AR: variants seen among roughly 807,000 people sequenced by gnomAD.
The protein encoded by AR is dihydrotestosterone receptor.
Under a neutral mutation model 53.9 loss-of-function variants are expected in AR, and 8 were observed. The observed-to-expected ratio is 0.15, with a 90% CI of 0.09 to 0.27. AR has a LOEUF of 0.27. Among genes scored for constraint, AR ranks in the 10% least tolerant of loss-of-function variants. AR has a pLI of 1.00. For synonymous variants in AR, 359 were observed against 316.4 expected, an observed-to-expected ratio of 1.13 and a Z score of -1.43; for missense variants, 639 against 742.5, an observed-to-expected ratio of 0.86 and a Z score of 1.62.
intron 2 of AR, among the ~76,000 whole-genome samples, chrX:67,667,123 A>T (rs1016034645): frequency 1.8e-5 from 2 of 111,285 alleles, no homozygotes; most frequent in African/African-American, 6.5e-5. Context: ...TTACTCAAGA[A>T]ATTTTTGCCC....
chrX:67,647,846 G>GTAC (rs1335863115), intron 2 of AR, among the ~76,000 whole-genome samples: 40 of 111,788 alleles, frequency 3.6e-4, no homozygotes, highest in African/African-American at 1.2e-3. Flanking sequence ...GGAACTAATG[G>GTAC]GAGTAGCTGT....
At chrX:67,603,138 A>G (rs772709774) in intron 1 of AR, among the ~76,000 whole-genome samples, 1 of 111,946 alleles carries the variant, frequency 8.9e-6, no homozygotes, top group Non-Finnish European at 1.9e-5. Context: ...AGACTTTCCC[A>G]CAATGCAATT....
At chrX:67,582,544 G>A (rs1232798740) in intron 1 of AR, among the ~76,000 whole-genome samples, 1 of 111,626 alleles carries the variant, frequency 9.0e-6, no homozygotes, top group Non-Finnish European at 1.9e-5. Context: ...TGTTTCAGTC[G>A]TTGTTCATAC....
At chrX:67,649,530 G>GCAT (rs1203588459) in intron 2 of AR, among the ~76,000 whole-genome samples, 2 of 112,005 alleles carry the variant, frequency 1.8e-5, no homozygotes, top group African/African-American at 6.5e-5. Context: ...ATTCTCTCCA[G>GCAT]CATCTGTTGT....
At chrX:67,581,002 G>A (rs1922271148) in intron 1 of AR, among the ~76,000 whole-genome samples, 1 of 112,016 alleles carries the variant, frequency 8.9e-6, no homozygotes, top group African/African-American at 3.2e-5. Context: ...ATCAACCTGG[G>A]TTGGACGTGA....
At chrX:67,706,398 T>G (rs1374890375) in intron 3 of AR, among the ~76,000 whole-genome samples, 1 of 112,063 alleles carries the variant, frequency 8.9e-6, no homozygotes, top group Admixed American at 9.5e-5. Flanking sequence ...GTCGAGGAAT[T>G]TATCCATTTC....
intron 1 of AR, among the ~76,000 whole-genome samples, chrX:67,590,142 C>T (rs1442618933): frequency 1.8e-5 from 2 of 110,915 alleles, no homozygotes; most frequent in Non-Finnish European, 3.8e-5. Context: ...CATTGCTCAC[C>T]CTGACCAGGT....
intron 2 of AR, among the ~76,000 whole-genome samples, chrX:67,653,631 C>G (rs760438711): frequency 9.0e-6 from 1 of 111,555 alleles, no homozygotes; most frequent in Non-Finnish European, 1.9e-5. Flanking sequence ...AGCTGTTTGA[C>G]AGGCCTTCAG....
At position 67,730,501 on chromosome X, in the gene AR, C is replaced by T. The variant is rs1030799016; in HGVS notation, c.*6660C>T. The T allele has an allele frequency of 5.2e-5, 9 of 172,077 alleles. No individual in the cohort carries two copies. Among genetic ancestry groups the T allele is most frequent in the African/African-American group, 2.7e-4 (9 of 33,738 alleles). The allele number at this position is 172,077 out of a possible 1,213,427, so 14.2% of individuals were successfully genotyped here. On this transcript the variant is annotated 3_prime_UTR_variant, in exon 8 of 8. Transcript: ENST00000374690. ...TGGTCTGCCAGCTAAAACTTGGCCA[C>T]ATCCCCTGTTATGGCTGCAGGATCG... is the stretch of plus-strand genomic sequence containing the variant.
intron 2 of AR, among the ~76,000 whole-genome samples, chrX:67,663,438 T>G (rs1927064682): frequency 8.9e-6 from 1 of 112,375 alleles, no homozygotes; most frequent in Admixed American, 9.4e-5. Context: ...TCTTTAAGAA[T>G]GTTGAATATT....
intron 2 of AR, among the ~76,000 whole-genome samples, chrX:67,645,285 T>C (rs1317267269): frequency 9.0e-6 from 1 of 111,657 alleles, no homozygotes; most frequent in Admixed American, 9.5e-5. Flanking sequence ...CTCAATCACA[T>C]TGTGAAAGGG....
intron 2 of AR, among the ~76,000 whole-genome samples, chrX:67,648,958 G>A (rs1926197262): frequency 9.0e-6 from 1 of 111,305 alleles, no homozygotes; most frequent in African/African-American, 3.3e-5. Flanking sequence ...ACGTGCCGTG[G>A]TGGTGTGCTG....
At chrX:67,706,124 C>G (rs943475258) in intron 3 of AR, among the ~76,000 whole-genome samples, 4 of 111,647 alleles carry the variant, frequency 3.6e-5, no homozygotes, top group Non-Finnish European at 7.5e-5. Flanking sequence ...TGTTGTGTCT[C>G]TGCCAGGCTT....
chrX:67,707,972 C>G (rs1472075314), intron 3 of AR, among the ~76,000 whole-genome samples: 1 of 112,074 alleles, frequency 8.9e-6, no homozygotes, highest in Non-Finnish European at 1.9e-5. Flanking sequence ...ATATTGGCCC[C>G]CACTCTCTTC....
intron 2 of AR, among the ~76,000 whole-genome samples, chrX:67,662,029 G>T (rs920245202): frequency 1.8e-5 from 2 of 111,544 alleles, no homozygotes; most frequent in African/African-American, 6.5e-5. Flanking sequence ...TGTGGGATCG[G>T]TGATTATATC....
At position 67,698,093 on chromosome X, in the gene AR, C is replaced by T. The variant is rs567731146; in HGVS notation, c.1885+11967C>T. Among the ~76,000 whole-genome samples the T allele has an allele frequency of 1.1e-4, 12 of 112,012 alleles. No homozygotes were observed. In the South Asian group the frequency reaches 3.7e-3, roughly 35 times the overall value. On this transcript the variant is annotated intron_variant, in intron 3 of 7. Coordinates refer to ENST00000374690, the MANE Select transcript of AR (RefSeq NM_000044.6). The stretch of plus-strand genomic sequence containing the variant: ...GTCACACAGCTAGTCAGTGATAGAG[C>T]CGGAGTTACAAATGAGGCATCCTGA...
chrX:67,600,579 G>A (rs1006189838), intron 1 of AR, among the ~76,000 whole-genome samples: 1 of 110,734 alleles, frequency 9.0e-6, no homozygotes, highest in Non-Finnish European at 1.9e-5. Context: ...AGGGTGAGGT[G>A]AGCATGTTTA....
At position 67,685,995 on chromosome X, in the gene AR, T is replaced by C. The variant is rs779865336; in HGVS notation, c.1769-15T>C. Reference sequence around the variant, plus strand: ...TCATTATCAGGTCTATCAACTCTTGTATTTGTTCTCCCAGGGAAACAGAAG... The same window carrying C: ...TCATTATCAGGTCTATCAACTCTTGCATTTGTTCTCCCAGGGAAACAGAAG... On this transcript the variant is annotated splice_polypyrimidine_tract_variant and intron_variant, in intron 2 of 7. Coordinates refer to ENST00000374690, the MANE Select transcript of AR (RefSeq NM_000044.6). 1.7e-6 allele frequency: 2 copies of C among 1,209,991 alleles called. No homozygotes were observed. Among genetic ancestry groups the C allele is most frequent in the South Asian group, 1.8e-5 (1 of 56,945 alleles).
chrX:67,624,429 G>A (rs1324874875), intron 1 of AR, among the ~76,000 whole-genome samples: 1 of 111,622 alleles, frequency 9.0e-6, no homozygotes, highest in African/African-American at 3.3e-5. Context: ...GTCTTCACTG[G>A]TGAATACTAT....
Sources: allele counts gnomAD v4.1 joint callset (sites outside exome capture counted in the v4.1 genomes callset), GRCh38; gene constraint gnomAD v4.1.1; transcripts MANE v1.5; gene names NCBI Gene and HGNC (gene_info 2026-07-23, HGNC 2026-07-21).